Variants in ENTHD1 observed in about 807,000 individuals in gnomAD.
ENTHD1 encodes the protein ENTH domain-containing protein 1.
Under a neutral mutation model 39.1 loss-of-function variants are expected in ENTHD1, and 23 were observed. The observed-to-expected ratio is 0.59, with a 90% CI of 0.42 to 0.83. The LOEUF (loss-of-function observed/expected upper bound fraction) is 0.83, where lower values mean the gene tolerates loss of function less well. Among genes scored for constraint, ENTHD1 ranks in the 40% least tolerant of loss-of-function variants. The pLI, the probability that ENTHD1 is intolerant of heterozygous loss-of-function variation, is 0.00. For synonymous variants in ENTHD1, 230 were observed against 258.2 expected, an observed-to-expected ratio of 0.89 and a Z score of 1.05; for missense variants, 624 against 705.4, an observed-to-expected ratio of 0.88 and a Z score of 1.31.
Position 39,867,993 on chromosome 22 carries a change from C to G in ENTHD1, c.350-5986G>C, listed in dbSNP as rs9623083. 1.3e-5 allele frequency among the ~76,000 whole-genome samples: 2 copies of G among 151,922 alleles called. No homozygotes were observed. Among genetic ancestry groups the G allele is most frequent in the Non-Finnish European group, 2.9e-5 (2 of 67,984 alleles). On this transcript the variant is annotated intron_variant, in intron 2 of 6. Coordinates refer to ENST00000325157, the MANE Select transcript of ENTHD1 (RefSeq NM_152512.4). The surrounding 1 kb of genome is among the most constrained non-coding windows in gnomAD (Gnocchi z 4.5). Reference sequence around the variant, plus strand: ...CAAGGGCTGCTGGGCTCTTGATCTGCCAGCCCAGAGTTCAGCTCCTCAGGT... The same window carrying G: ...CAAGGGCTGCTGGGCTCTTGATCTGGCAGCCCAGAGTTCAGCTCCTCAGGT...
chr22:39,870,976 C>A (rs753277192), intron 2 of ENTHD1, among the ~76,000 whole-genome samples: 4 of 151,792 alleles, frequency 2.6e-5, no homozygotes, highest in Non-Finnish European at 5.9e-5. Flanking sequence ...AGTTTGAGAC[C>A]AGCCTGGGCA....
chr22:39,817,706 T>G (rs2146643305), intron 5 of ENTHD1, among the ~76,000 whole-genome samples: 1 of 152,044 alleles, frequency 6.6e-6, no homozygotes, highest in African/African-American at 2.4e-5. Flanking sequence ...AAATATTTAT[T>G]AAATAATTAT....
intron 4 of ENTHD1, among the ~76,000 whole-genome samples, chr22:39,827,476 T>C (rs1201076465): frequency 6.6e-6 from 1 of 152,086 alleles, no homozygotes; most frequent in Non-Finnish European, 1.5e-5. Context: ...ATACACAAAT[T>C]GCTCTTAGGA....
At chr22:39,793,331 A>G (rs2065520080) in intron 5 of ENTHD1, among the ~76,000 whole-genome samples, 1 of 142,688 alleles carries the variant, frequency 7.0e-6, no homozygotes, top group Admixed American at 6.8e-5. Context: ...TTTTAATGGG[A>G]TTATTAGTTG....
chr22:39,763,121 C>T (rs141785302), intron 6 of ENTHD1, among the ~76,000 whole-genome samples: 86 of 152,292 alleles, frequency 5.6e-4, no homozygotes, highest in African/African-American at 2.0e-3. Context: ...TTTGTCCTTA[C>T]TCCTAGAGTA....
At chr22:39,753,842 C>G (rs1426292536) in intron 6 of ENTHD1, among the ~76,000 whole-genome samples, 1 of 152,162 alleles carries the variant, frequency 6.6e-6, no homozygotes, top group East Asian at 1.9e-4. Context: ...CTTTTCTTCT[C>G]GCTTACTTCC....
At chr22:39,877,363 A>G (rs922800865) in intron 2 of ENTHD1, among the ~76,000 whole-genome samples, 7 of 152,230 alleles carry the variant, frequency 4.6e-5, no homozygotes, top group African/African-American at 1.7e-4. Context: ...AAAAAGTTGG[A>G]GTCGCCACTC....
In ENTHD1 at chr22:39,861,864, T is replaced by G. The variant is rs767624169; in HGVS notation, c.493A>C (p.Ser165Arg). Residue 165 changes from serine to arginine, a missense_variant, in exon 3 of 7, where the codon AGT (serine) becomes CGT (arginine). Coordinates refer to ENST00000325157, the MANE Select transcript of ENTHD1 (RefSeq NM_152512.4). The part of the protein sequence containing the change: ...ILFSKRQLGS[S>R]NSLTACTSAP... ...GAAGTGCACGCTGTCAGTGAGTTAC[T>G]TGAACCAAGTTGTCTTTTAGAAAAC... The G allele has an allele frequency of 6.2e-7, 1 of 1,606,248 alleles. No homozygotes were observed. Among genetic ancestry groups the G allele is most frequent in the South Asian group, 1.1e-5 (1 of 89,904 alleles).
rs1032110332 is a variant in ENTHD1, at chr22:39,744,077, C to T, written c.1426G>A (p.Gly476Ser). 1 of 1,614,018 alleles carries T rather than the reference C, an allele frequency of 6.2e-7. No individual in the cohort carries two copies. The highest frequency in any genetic ancestry group is 8.5e-7 in the Non-Finnish European group (1 of 1,179,974). ...AKLHHSFASR[G>S]PVSSDVEEND... ...TCCTCTACATCAGAAGACACTGGGC[C>T]CCTAGAAGCAAAGGAGTGATGCAGC... Residue 476 changes from glycine (G) to serine (S), a missense_variant, in exon 7 of 7, where the codon GGC becomes AGC. Physicochemically the swap from Gly to Ser is moderately conservative, Grantham distance 56. Transcript: ENST00000325157.
chr22:39,789,342 T>G lies in ENTHD1; in HGVS notation c.833-23733A>C, dbSNP rs529614420. Among the ~76,000 whole-genome samples, 63 of 152,264 alleles carry G rather than the reference T, an allele frequency of 4.1e-4. 3 individuals are homozygous for G. In the South Asian group the frequency reaches 0.013, roughly 31 times the overall value. ...CCTCACCAAATACACTGAAAAAAAT[T>G]TCTCAATTGAATTTTTTTTCTTCCT... On this transcript the variant is annotated intron_variant, in intron 5 of 6. Coordinates refer to ENST00000325157, the MANE Select transcript of ENTHD1 (RefSeq NM_152512.4).
At position 39,743,711 on chromosome 22, in the gene ENTHD1, G is replaced by A. The variant is rs753840828; in HGVS notation, c.1792C>T (p.Gln598Ter). 11 of 1,613,098 alleles carry A rather than the reference G, an allele frequency of 6.8e-6. No homozygotes were observed. Among genetic ancestry groups the A allele is most frequent in the Non-Finnish European group, 8.5e-6 (10 of 1,179,556 alleles). Residue 598 changes from glutamine to a stop codon, truncating the protein, a stop_gained, in exon 7 of 7, where the codon CAG becomes TAG. Coordinates refer to ENST00000325157, the MANE Select transcript of ENTHD1 (RefSeq NM_152512.4). LOFTEE classifies it high-confidence loss of function. ...SQISQSSQVP[Q>*]SSEGSSDQI ...TGATCTGAGCTCCCCTCAGAAGACT[G>A]GGGGACCTGGGAAGACTGGCTTATT...
intron 4 of ENTHD1, among the ~76,000 whole-genome samples, chr22:39,828,171 C>A (rs1440474229): frequency 1.3e-5 from 2 of 152,084 alleles, no homozygotes; most frequent in Non-Finnish European, 2.9e-5. Flanking sequence ...AATTTCCCCC[C>A]AAAATCACTG....
chr22:39,745,170 C>T (rs1229033482), intron 6 of ENTHD1, among the ~76,000 whole-genome samples: 1 of 152,182 alleles, frequency 6.6e-6, no homozygotes, highest in Non-Finnish European at 1.5e-5. Context: ...ATTCAAGTGT[C>T]TTCCAAGCTT....
At chr22:39,872,993 CT>C (rs992585112) in intron 2 of ENTHD1, among the ~76,000 whole-genome samples, 3 of 149,152 alleles carry the variant, frequency 2.0e-5, no homozygotes, top group Non-Finnish European at 4.5e-5. Context: ...CTTTCTTTTT[CT>C]TTTTTTTTAA....
chr22:39,880,112 C>CA (rs1352689323), intron 2 of ENTHD1, among the ~76,000 whole-genome samples: 1 of 152,190 alleles, frequency 6.6e-6, no homozygotes, highest in Non-Finnish European at 1.5e-5. Flanking sequence ...CCTACAGTCC[C>CA]AGCTACTCTG....
At chr22:39,826,783 G>A (rs949745494) in intron 4 of ENTHD1, among the ~76,000 whole-genome samples, 1 of 151,688 alleles carries the variant, frequency 6.6e-6, no homozygotes, top group Non-Finnish European at 1.5e-5. Context: ...AGGACATAAG[G>A]AGAAATCTCC....
In ENTHD1 at chr22:39,869,650, A is replaced by C. The variant is rs140074227; in HGVS notation, c.350-7643T>G. On this transcript the variant is annotated intron_variant, in intron 2 of 6. Transcript: ENST00000325157. The stretch of plus-strand genomic sequence containing the variant: ...AAGTTAAAATTGTAAAAAAAAAAAA[A>C]AAACCAGCAATCACAATATAAATCC... 7.2e-3 allele frequency among the ~76,000 whole-genome samples: 1,090 copies of C among 152,160 alleles called. 6 individuals carry two copies. Among genetic ancestry groups the C allele is most frequent in the African/African-American group, 0.025 (1,027 of 41,534 alleles).
chr22:39,800,478 A>G (rs2065590200), intron 5 of ENTHD1, among the ~76,000 whole-genome samples: 1 of 152,214 alleles, frequency 6.6e-6, no homozygotes, highest in South Asian at 2.1e-4. Context: ...TAACCTACAC[A>G]TGCTTTCTTC....
In ENTHD1 at chr22:39,820,503, G is replaced by A. The variant is rs140007869; in HGVS notation, c.832+490C>T. 6.7e-4 allele frequency among the ~76,000 whole-genome samples: 102 copies of A among 152,268 alleles called. No homozygotes were observed. In the East Asian group the frequency reaches 0.019, roughly 28 times the overall value. On this transcript the variant is annotated intron_variant, in intron 5 of 6. Transcript: ENST00000325157. Reference sequence around the variant, plus strand: ...ACAGTGAGTCAGTCAGATCCTCAAGGATCCAGAGTAGTCGCAGAGCCCAGT... The same window carrying A: ...ACAGTGAGTCAGTCAGATCCTCAAGAATCCAGAGTAGTCGCAGAGCCCAGT...
Sources: allele counts gnomAD v4.1 joint callset (sites outside exome capture counted in the v4.1 genomes callset), GRCh38; gene constraint gnomAD v4.1.1; non-coding constraint Gnocchi (gnomAD v3.1); transcripts MANE v1.5; gene names NCBI Gene and HGNC (gene_info 2026-07-23, HGNC 2026-07-21).